STK38L: variants seen among roughly 807,000 people sequenced by gnomAD.
STK38L encodes the protein serine/threonine-protein kinase 38-like.
STK38L carries 28 observed loss-of-function variants against 59.7 expected under a neutral mutation model. The ratio of observed to expected loss-of-function variants is 0.47; its 90% CI spans 0.35 to 0.64. The LOEUF (loss-of-function observed/expected upper bound fraction) is 0.64. STK38L is among the 30% of genes least tolerant of loss of function. The probability of loss-of-function intolerance (pLI) is 0.01; values close to 1 mark genes in which losing one functional copy is unlikely to be tolerated. For missense variants in STK38L, 314 were observed against 555.8 expected, an observed-to-expected ratio of 0.56 and a Z score of 4.37; for synonymous variants, 162 against 176.8, an observed-to-expected ratio of 0.92 and a Z score of 0.66.
chr12:27,284,483 A>G lies in STK38L; in HGVS notation c.-11-13227A>G, dbSNP rs778988701. Reference sequence around the variant, plus strand: ...CCTTCTGTAATTGAAATTGAATTCAAGTTTTGTGATTTTATCAGCCTTGCC... The same window carrying G: ...CCTTCTGTAATTGAAATTGAATTCAGGTTTTGTGATTTTATCAGCCTTGCC... On this transcript the variant is annotated intron_variant, in intron 1 of 13. Coordinates refer to ENST00000389032, the MANE Select transcript of STK38L (RefSeq NM_015000.4). 3.2e-4 allele frequency among the ~76,000 whole-genome samples: 48 copies of G among 152,164 alleles called. 3 individuals carry two copies. The highest frequency in any genetic ancestry group is 1.9e-4 in the East Asian group (1 of 5,188).
chr12:27,277,616 T>A (rs1943566003), intron 1 of STK38L, among the ~76,000 whole-genome samples: 1 of 151,972 alleles, frequency 6.6e-6, no homozygotes, highest in Non-Finnish European at 1.5e-5. Context: ...CATGGAGATA[T>A]CTTATCTCAT....
At chr12:27,309,632 T>G (rs1297624146) in intron 5 of STK38L, among the ~76,000 whole-genome samples, 1 of 152,200 alleles carries the variant, frequency 6.6e-6, no homozygotes, top group African/African-American at 2.4e-5. Context: ...ATAAGGACAT[T>G]AATTCCACCC....
intron 3 of STK38L, among the ~76,000 whole-genome samples, chr12:27,306,319 A>G (rs1324752446): frequency 6.6e-6 from 1 of 151,964 alleles, no homozygotes; most frequent in African/African-American, 2.4e-5. Flanking sequence ...GAGAGATTCA[A>G]AATACTTTCA....
At chr12:27,315,258 C>G (rs139281131) in intron 8 of STK38L, 31 bp from the exon 9 acceptor site, 1 of 1,610,518 alleles carries the variant, frequency 6.2e-7, no homozygotes, top group Admixed American at 1.7e-5. Flanking sequence ...ATTTTTCCCT[C>G]GTGATTACAA....
chr12:27,247,313 G>GT (rs1666625113), intron 1 of STK38L, among the ~76,000 whole-genome samples: 1 of 152,162 alleles, frequency 6.6e-6, no homozygotes, highest in African/African-American at 2.4e-5. Context: ...ATTCTGGCTT[G>GT]TACCCATATG....
intron 1 of STK38L, among the ~76,000 whole-genome samples, chr12:27,261,501 T>A (rs1425475120): frequency 1.3e-5 from 2 of 152,238 alleles, no homozygotes; most frequent in South Asian, 2.1e-4. Flanking sequence ...CTTTCCCATT[T>A]GTTTTTCTGC....
chr12:27,269,053 T>C (rs377650804), intron 1 of STK38L, among the ~76,000 whole-genome samples: 5 of 152,224 alleles, frequency 3.3e-5, no homozygotes, highest in South Asian at 4.1e-4. Flanking sequence ...CAAAAATTTT[T>C]TCCCATTCTG....
intron 1 of STK38L, chr12:27,297,239 C>T (rs1944046588): frequency 2.0e-5 from 3 of 152,852 alleles, no homozygotes; most frequent in Admixed American, 2.0e-4. Flanking sequence ...ATATTTGATA[C>T]AACACTTCAT....
chr12:27,322,348 G>C lies in STK38L; in HGVS notation c.1288G>C (p.Asp430His). 6.2e-7 allele frequency: 1 copy of C among 1,613,880 alleles called. No homozygotes were observed. Among genetic ancestry groups the C allele is most frequent in the Non-Finnish European group, 8.5e-7 (1 of 1,179,914 alleles). ...TCTAGTGCCAAATACCACAGAACCGGACTACAAATCCAAAGACTGGGTTTT... is the reference window on the plus strand; with the variant it reads ...TCTAGTGCCAAATACCACAGAACCGCACTACAAATCCAAAGACTGGGTTTT... ...LQPVPNTTEP[D>H]YKSKDWVFLN... Residue 430 changes from aspartate (D) to histidine (H), a missense_variant, in exon 14 of 14, where the codon GAC becomes CAC. Around this residue, in one of 3 missense-constraint regions of STK38L, gnomAD observed 94 missense variants for 142.2 expected, o/e 0.66. Transcript: ENST00000389032.
chr12:27,260,376 T>C (rs1379038773), intron 1 of STK38L, among the ~76,000 whole-genome samples: 1 of 152,206 alleles, frequency 6.6e-6, no homozygotes, highest in African/African-American at 2.4e-5. Flanking sequence ...TCTCATAACA[T>C]CTAGTGAAAG....
chr12:27,263,368 T>A (rs377320598), intron 1 of STK38L, among the ~76,000 whole-genome samples: 3 of 152,230 alleles, frequency 2.0e-5, no homozygotes, highest in South Asian at 4.2e-4. Flanking sequence ...TTTATTACAC[T>A]TCTCTTTGAC....
intron 1 of STK38L, among the ~76,000 whole-genome samples, chr12:27,289,033 T>A (rs1210628527): frequency 6.6e-6 from 1 of 152,180 alleles, no homozygotes. Flanking sequence ...AGGTGCTAGA[T>A]TATAAGTATT....
chr12:27,301,582 A>T (rs892453419), intron 2 of STK38L, among the ~76,000 whole-genome samples: 4 of 152,196 alleles, frequency 2.6e-5, no homozygotes, highest in African/African-American at 9.6e-5. Flanking sequence ...TTAAAAACAC[A>T]CATATATGAC....
At chr12:27,259,580 G>T (rs112202882) in intron 1 of STK38L, among the ~76,000 whole-genome samples, 4,564 of 152,316 alleles carry the variant, frequency 0.03, 96 homozygotes, top group South Asian at 0.09. Flanking sequence ...TTTGTAAACT[G>T]TGAGGGGGTA....
At chr12:27,270,810 G>A (rs879582654) in intron 1 of STK38L, among the ~76,000 whole-genome samples, 1 of 152,150 alleles carries the variant, frequency 6.6e-6, no homozygotes, top group Non-Finnish European at 1.5e-5. Context: ...CACCATGCCT[G>A]GCTTGAATCT....
At position 27,322,521 on chromosome 12, in the gene STK38L, T is replaced by C. The variant is rs1387351602; in HGVS notation, c.*66T>C. On this transcript the variant is annotated 3_prime_UTR_variant, in exon 14 of 14. Coordinates refer to ENST00000389032, the MANE Select transcript of STK38L (RefSeq NM_015000.4). ...GCTGCATCACCAGGCTTGCTTGGCG[T>C]AGATAACAATACACTGAAATACTCC... The C allele has an allele frequency of 1.3e-6, 2 of 1,570,098 alleles. No individual in the cohort carries two copies. The highest frequency in any genetic ancestry group is 1.9e-5 in the Admixed American group (1 of 51,888).
In STK38L at chr12:27,323,791, GAATT is replaced by G. The variant is rs1342923430; in HGVS notation, c.*1339_*1342del. 6.6e-6 allele frequency: 1 copy of G among 152,112 alleles called. No individual in the cohort carries two copies. Among genetic ancestry groups the G allele is most frequent in the Non-Finnish European group, 1.5e-5 (1 of 67,940 alleles). The allele number at this position is 152,112 out of a possible 1,614,324, so 9.4% of individuals were successfully genotyped here. A position where few individuals can be genotyped will look rare whatever the true frequency, so the allele number is the denominator to read the frequency against. On this transcript the variant is annotated 3_prime_UTR_variant, in exon 14 of 14. Transcript: ENST00000389032. ...TCAAATTCTTTGGGTATCTCTCTAA[GAATT>G]AAATAATCTTTTCTAGCTTAATATT...
intron 5 of STK38L, 58 bp from the exon 6 acceptor site, chr12:27,312,491 A>T: frequency 6.4e-7 from 1 of 1,573,696 alleles, no homozygotes; most frequent in Non-Finnish European, 8.7e-7. Flanking sequence ...GTAAGAGATG[A>T]GTTTAACAAA....
At chr12:27,258,850 T>C (rs1565524655) in intron 1 of STK38L, among the ~76,000 whole-genome samples, 1 of 152,226 alleles carries the variant, frequency 6.6e-6, no homozygotes, top group African/African-American at 2.4e-5. Context: ...GAAAAACTTT[T>C]ATCCAGATCA....
Sources: gnomAD v4.1 joint callset for allele counts (sites outside exome capture counted in the v4.1 genomes callset) on GRCh38, gnomAD v4.1.1 for gene constraint, gnomAD v4.1.1 regional missense constraint, MANE v1.5 for transcripts, NCBI Gene and HGNC (gene_info 2026-07-23, HGNC 2026-07-21) for gene names.